The following LIFR variants were observed in gnomAD, a reference collection of about 807,000 sequenced individuals.
LIFR encodes the protein leukemia inhibitory factor receptor.
LIFR carries 84 observed loss-of-function variants against 122.2 expected under a neutral mutation model. That is an observed-to-expected ratio of 0.69 (90% CI 0.58 to 0.82). The LOEUF is 0.82. Ranked by LOEUF, LIFR falls within the 40% of genes least tolerant of loss-of-function variation. LIFR has a pLI of 0.00. For synonymous variants in LIFR, 422 were observed against 434.7 expected (o/e 0.97, Z 0.36); for missense variants, 1,294 against 1,311.6 (o/e 0.99, Z 0.21).
chr5:38,520,815 A>C (rs780878903), intron 5 of LIFR, among the ~76,000 whole-genome samples: 7 of 152,202 alleles, frequency 4.6e-5, no homozygotes, highest in Non-Finnish European at 8.8e-5. Context: ...TACAAGTAAC[A>C]TGCTGTTTTG....
chr5:38,563,334 T>G (rs1389603605), intron 1 of LIFR, among the ~76,000 whole-genome samples: 1 of 152,200 alleles, frequency 6.6e-6, no homozygotes, highest in East Asian at 1.9e-4. Flanking sequence ...CTAACCTTAC[T>G]GGGTTTTTTC....
intron 1 of LIFR, among the ~76,000 whole-genome samples, chr5:38,593,127 C>A (rs1315076894): frequency 6.6e-6 from 1 of 152,006 alleles, no homozygotes; most frequent in East Asian, 1.9e-4. Flanking sequence ...CCCTTGAACC[C>A]AGGAGGCGGA....
intron 1 of LIFR, among the ~76,000 whole-genome samples, chr5:38,549,847 T>C (rs566412742): frequency 6.6e-6 from 1 of 152,162 alleles, no homozygotes; most frequent in Non-Finnish European, 1.5e-5. Context: ...AGGGTTTTTT[T>C]AAATGTATTT....
At chr5:38,496,705 G>A in intron 12 of LIFR, 110 bp from the exon 13 acceptor site, 2 of 801,174 alleles carry the variant, frequency 2.5e-6, no homozygotes, top group South Asian at 2.8e-5. Context: ...GGTTGGCCAG[G>A]CGTGGTGACT....
chr5:38,606,642 G>A (rs1234049287), intron 1 of LIFR, among the ~76,000 whole-genome samples: 1 of 152,152 alleles, frequency 6.6e-6, no homozygotes, highest in Non-Finnish European at 1.5e-5. Flanking sequence ...TAACTAGAAG[G>A]TGGGCATTAT....
chr5:38,606,636 T>G (rs1043633526), intron 1 of LIFR, among the ~76,000 whole-genome samples: 1 of 152,206 alleles, frequency 6.6e-6, no homozygotes, highest in Non-Finnish European at 1.5e-5. Flanking sequence ...AAACATTAAC[T>G]AGAAGGTGGG....
At chr5:38,526,047 T>C (rs1241187353) in intron 4 of LIFR, among the ~76,000 whole-genome samples, 1 of 152,166 alleles carries the variant, frequency 6.6e-6, no homozygotes, top group East Asian at 1.9e-4. Flanking sequence ...AAAAAGCCAC[T>C]GCTCCCTTTC....
intron 1 of LIFR, among the ~76,000 whole-genome samples, chr5:38,553,626 A>C (rs1301099553): frequency 7.0e-5 from 2 of 28,630 alleles, no homozygotes; most frequent in African/African-American, 2.3e-4. Flanking sequence ...TTTAAACTAT[A>C]TATATATATA....
chr5:38,505,976 T>C lies in LIFR; in HGVS notation c.1220A>G (p.Asn407Ser). ...FQMLPNQEIYNFTLNAHNPLG... is the reference protein window; with the variant it reads ...FQMLPNQEIYSFTLNAHNPLG... ...CGGATTGTGAGCATTCAAAGTAAAA[T>C]TATATATTTCTTGATTTGGAAGCAT... Residue 407 changes from asparagine to serine, a missense_variant, in exon 9 of 20, where the codon AAT becomes AGT. By Grantham distance (46) the Asn-to-Ser change is conservative. Coordinates refer to ENST00000453190, the MANE Select transcript of LIFR (RefSeq NM_001127671.2). The C allele has an allele frequency of 6.2e-7, 1 of 1,610,194 alleles. No individual in the cohort carries two copies. Among genetic ancestry groups the C allele is most frequent in the Non-Finnish European group, 8.5e-7 (1 of 1,177,434 alleles).
At chr5:38,559,289 G>T (rs966216775), upstream of LIFR, 1 of 152,194 alleles carries the variant, frequency 6.6e-6, no homozygotes, top group African/African-American at 2.4e-5. Context: ...GAGGAAAAAC[G>T]GAGTTTCTGT....
intron 4 of LIFR, among the ~76,000 whole-genome samples, chr5:38,524,556 G>A (rs1349376580): frequency 6.6e-6 from 1 of 152,146 alleles, no homozygotes; most frequent in East Asian, 1.9e-4. Flanking sequence ...AATGAAAAAG[G>A]GAAACAACCA....
intron 1 of LIFR, among the ~76,000 whole-genome samples, chr5:38,575,329 GTT>G (rs1381147834): frequency 6.6e-6 from 1 of 152,146 alleles, no homozygotes; most frequent in Non-Finnish European, 1.5e-5. Flanking sequence ...TGTTCTTAGT[GTT>G]TAGCTTATAA....
intron 1 of LIFR, among the ~76,000 whole-genome samples, chr5:38,548,125 G>C (rs1747999052): frequency 6.6e-6 from 1 of 151,570 alleles, no homozygotes; most frequent in African/African-American, 2.4e-5. Flanking sequence ...AGATTTGCTA[G>C]GAGGAGCTCA....
chr5:38,579,032 G>A (rs1749490726), intron 1 of LIFR: 1 of 152,200 alleles, frequency 6.6e-6, no homozygotes, highest in African/African-American at 2.4e-5. Context: ...ATACTTAGAA[G>A]TAGAAGGCAT....
At chr5:38,599,705 T>C (rs1750189217), upstream of LIFR, among the ~76,000 whole-genome samples, 2 of 152,158 alleles carry the variant, frequency 1.3e-5, no homozygotes, top group Non-Finnish European at 2.9e-5. Context: ...GGGACAGCTT[T>C]AGGTACTTTA....
At chr5:38,544,676 T>G (rs368427143) in intron 1 of LIFR, among the ~76,000 whole-genome samples, 196 of 152,290 alleles carry the variant, frequency 1.3e-3, no homozygotes, top group African/African-American at 4.4e-3. Flanking sequence ...GAGGTATCTA[T>G]GCATACATAA....
chr5:38,496,399 C>G lies in LIFR; in HGVS notation c.1868G>C (p.Ser623Thr). The change falls in exon 13 of 20, where the codon AGT becomes ACT. Residue 623 changes from serine to threonine, a missense_variant. Coordinates refer to ENST00000453190, the MANE Select transcript of LIFR (RefSeq NM_001127671.2). The stretch of plus-strand genomic sequence containing the variant: ...GCACTCACCATTTGGAATTTCCATA[C>G]TCGCTATTTTGGAAGGTGGTGATGA... ...VGSSPPSKIA[S>T]MEIPNDDLKI... The G allele has an allele frequency of 6.2e-7, 1 of 1,612,884 alleles. No homozygotes were observed. Among genetic ancestry groups the G allele is most frequent in the South Asian group, 1.1e-5 (1 of 91,050 alleles).
At chr5:38,586,779 C>T (rs528563144) in intron 1 of LIFR, among the ~76,000 whole-genome samples, 24 of 151,974 alleles carry the variant, frequency 1.6e-4, no homozygotes, top group Non-Finnish European at 3.1e-4. Flanking sequence ...TTCTGTGTTG[C>T]TTCCAATTTT....
At chr5:38,587,112 A>C (rs1310533225) in intron 1 of LIFR, among the ~76,000 whole-genome samples, 4 of 151,980 alleles carry the variant, frequency 2.6e-5, no homozygotes, top group Non-Finnish European at 5.9e-5. Context: ...CAGCCACAGG[A>C]CTACACCCTG....
Sources: allele counts gnomAD v4.1 joint callset (sites outside exome capture counted in the v4.1 genomes callset), GRCh38; gene constraint gnomAD v4.1.1; transcripts MANE v1.5; gene names NCBI Gene and HGNC (gene_info 2026-07-23, HGNC 2026-07-21).